The following ANKRD17 variants were observed in gnomAD, a reference collection of about 807,000 sequenced individuals.
The protein encoded by ANKRD17 is ankyrin repeat domain-containing protein 17.
ANKRD17 carries 19 observed loss-of-function variants against 229.7 expected under a neutral mutation model. The observed-to-expected ratio is 0.08, with a 90% confidence interval of 0.06 to 0.12. The LOEUF is 0.12. Among genes scored for constraint, ANKRD17 ranks in the 10% least tolerant of loss-of-function variants. The pLI is 1.00. For missense variants in ANKRD17, 2,176 were observed against 3,176.8 expected (o/e 0.68, Z 7.57); for synonymous variants, 1,112 against 1,146.1 (o/e 0.97, Z 0.60).
chr4:73,243,571 G>A (rs1250418036), intron 1 of ANKRD17, among the ~76,000 whole-genome samples: 1 of 152,078 alleles, frequency 6.6e-6, no homozygotes, highest in Admixed American at 6.6e-5. Flanking sequence ...ACCAAAGCTT[G>A]GCCCACAAGA....
In ANKRD17 at chr4:73,101,150, C is replaced by T. The variant is rs1723930194; in HGVS notation, c.4573+1226G>A. 9.9e-6 allele frequency: 9 copies of T among 905,848 alleles called. No homozygotes were observed. In the South Asian group the frequency reaches 1.5e-4, roughly 15 times the overall value. The allele number at this position is 905,848 out of a possible 1,614,324, so 56.1% of individuals were successfully genotyped here. A position where few individuals can be genotyped will look rare whatever the true frequency, so the allele number is the denominator to read the frequency against. ...ACTTGAGTATCTGAATTTTGGTATCCGTGAGGGTCCTGGAAACCATCCCCT... is the reference window on the plus strand; with the variant it reads ...ACTTGAGTATCTGAATTTTGGTATCTGTGAGGGTCCTGGAAACCATCCCCT... On this transcript the variant is annotated intron_variant, in intron 25 of 33. Transcript: ENST00000358602.
At chr4:73,177,271 T>C (rs940900713) in intron 2 of ANKRD17, 109 bp downstream of exon 2, 42 of 1,045,650 alleles carry the variant, frequency 4.0e-5, no homozygotes, top group African/African-American at 2.6e-4. Flanking sequence ...CCTTTATTAA[T>C]AGTATCATTC....
At chr4:73,234,934 C>T (rs1313620730) in intron 1 of ANKRD17, among the ~76,000 whole-genome samples, 1 of 152,058 alleles carries the variant, frequency 6.6e-6, no homozygotes, top group Non-Finnish European at 1.5e-5. Flanking sequence ...TTGTTGACTC[C>T]AAGTTTGGAG....
chr4:73,233,362 T>A (rs1743236445), intron 1 of ANKRD17, among the ~76,000 whole-genome samples: 1 of 152,148 alleles, frequency 6.6e-6, no homozygotes, highest in Non-Finnish European at 1.5e-5. Context: ...TTCTACTCCA[T>A]AACTATAATT....
At chr4:73,190,094 C>T (rs750871022) in intron 1 of ANKRD17, among the ~76,000 whole-genome samples, 9 of 152,178 alleles carry the variant, frequency 5.9e-5, no homozygotes, top group South Asian at 4.2e-4. Context: ...TGGGGCTGGG[C>T]GCGGTGGCTT....
At chr4:73,115,953 C>T in intron 22 of ANKRD17, 37 bp from the exon 23 acceptor site, 2 of 1,556,244 alleles carry the variant, frequency 1.3e-6, no homozygotes, top group Non-Finnish European at 1.8e-6. Flanking sequence ...TGAAAACAGA[C>T]TCTAACAGTT....
chr4:73,110,795 T>C (rs1404832934), intron 24 of ANKRD17, among the ~76,000 whole-genome samples: 1 of 152,234 alleles, frequency 6.6e-6, no homozygotes, highest in Admixed American at 6.5e-5. Flanking sequence ...CTCAAAACTA[T>C]ACATAAAAGT....
intron 30 of ANKRD17, 126 bp downstream of exon 30, chr4:73,085,123 A>C (rs1479019910): frequency 9.4e-7 from 1 of 1,065,246 alleles, no homozygotes; most frequent in African/African-American, 1.6e-5. Context: ...AATTTTTTTG[A>C]AATTCCAGAC....
At chr4:73,179,082 C>T (rs1264518445) in intron 1 of ANKRD17, among the ~76,000 whole-genome samples, 1 of 152,052 alleles carries the variant, frequency 6.6e-6, no homozygotes, top group Non-Finnish European at 1.5e-5. Context: ...AGAAACGATA[C>T]TGTTCCATCT....
chr4:73,212,017 T>C (rs916515605), intron 1 of ANKRD17, among the ~76,000 whole-genome samples: 1 of 152,164 alleles, frequency 6.6e-6, no homozygotes, highest in African/African-American at 2.4e-5. Flanking sequence ...AATCCCAACC[T>C]ACTGATCACC....
chr4:73,096,735 AAAGTT>A (rs754426064), intron 27 of ANKRD17, among the ~76,000 whole-genome samples: 28 of 152,248 alleles, frequency 1.8e-4, no homozygotes, highest in South Asian at 4.1e-4. Context: ...CCCTTAAAAT[AAAGTT>A]ATCTTATGAT....
chr4:73,076,098 ATCT>A lies in ANKRD17; in HGVS notation c.*130_*132del. The A allele has an allele frequency of 1.7e-6, 1 of 579,718 alleles. No homozygotes were observed. Among genetic ancestry groups the A allele is most frequent in the South Asian group, 4.3e-5 (1 of 23,308 alleles). 35.9% of individuals were successfully genotyped at this position (579,718 alleles called of 1,614,324 possible). On this transcript the variant is annotated 3_prime_UTR_variant, in exon 34 of 34. Transcript: ENST00000358602. ...CACAGAAAATAGGTCAGTTAGTAAG[ATCT>A]TCTGCAAAAAGCCTACACACTTCAG... is the stretch of plus-strand genomic sequence containing the variant.
intron 24 of ANKRD17, chr4:73,113,310 G>T: frequency 7.8e-7 from 1 of 1,289,180 alleles, no homozygotes; most frequent in Non-Finnish European, 1.0e-6. Flanking sequence ...GTTGTAGTCT[G>T]CCTGAAAGAG....
chr4:73,088,508 C>T (rs1244336351), intron 29 of ANKRD17, among the ~76,000 whole-genome samples: 1 of 152,124 alleles, frequency 6.6e-6, no homozygotes, highest in East Asian at 1.9e-4. Context: ...TTTAGCCTTT[C>T]TGAATCCCAC....
intron 1 of ANKRD17, among the ~76,000 whole-genome samples, chr4:73,214,106 A>G (rs2149172361): frequency 6.6e-6 from 1 of 152,326 alleles, no homozygotes; most frequent in Middle Eastern, 3.4e-3. Flanking sequence ...ATTCTGAATG[A>G]CTAATCTTGG....
At chr4:73,215,827 GTT>G (rs1302722205) in intron 1 of ANKRD17, among the ~76,000 whole-genome samples, 1 of 152,052 alleles carries the variant, frequency 6.6e-6, no homozygotes, top group South Asian at 2.1e-4. Flanking sequence ...AATAGTTTTT[GTT>G]TTTTTATCCT....
chr4:73,228,582 C>T (rs1742738977), intron 1 of ANKRD17, among the ~76,000 whole-genome samples: 1 of 152,188 alleles, frequency 6.6e-6, no homozygotes, highest in Non-Finnish European at 1.5e-5. Flanking sequence ...TCAAGCACAT[C>T]TTAGGGTAAC....
At chr4:73,163,902 A>G (rs1297051992) in intron 2 of ANKRD17, among the ~76,000 whole-genome samples, 1 of 152,228 alleles carries the variant, frequency 6.6e-6, no homozygotes, top group African/African-American at 2.4e-5. Flanking sequence ...TCACAAAACC[A>G]AAAATAAATC....
chr4:73,105,611 AC>A (rs1183227714), intron 24 of ANKRD17, among the ~76,000 whole-genome samples: 1 of 152,134 alleles, frequency 6.6e-6, no homozygotes, highest in Non-Finnish European at 1.5e-5. Context: ...CTGAAAAGAA[AC>A]AAAAAATAAA....
Sources: gnomAD v4.1 joint callset for allele counts (sites outside exome capture counted in the v4.1 genomes callset) on GRCh38, gnomAD v4.1.1 for gene constraint, MANE v1.5 for transcripts, NCBI Gene and HGNC (gene_info 2026-07-23, HGNC 2026-07-21) for gene names.